The following ZNF573 variants were observed in gnomAD, a reference collection of about 807,000 sequenced individuals.
The protein encoded by ZNF573 is zinc finger protein 573.
Under a neutral mutation model 57.4 loss-of-function variants are expected in ZNF573, and 41 were observed. The ratio of observed to expected loss-of-function variants is 0.71; its 90% CI spans 0.56 to 0.93. ZNF573 has a LOEUF of 0.93. ZNF573 is among the 40% of genes least tolerant of loss of function. The probability of loss-of-function intolerance (pLI) is 0.00; values close to 1 mark genes in which losing one functional copy is unlikely to be tolerated. For missense variants in ZNF573, 730 were observed against 794.8 expected (o/e 0.92, Z 0.98); for synonymous variants, 249 against 261.0 (o/e 0.95, Z 0.44).
intron 4 of ZNF573, among the ~76,000 whole-genome samples, chr19:37,754,376 C>T (rs992609518): frequency 2.6e-5 from 4 of 151,718 alleles, no homozygotes; most frequent in African/African-American, 4.8e-5. Context: ...AAAAATTAGC[C>T]GGGTGCAGTG....
At chr19:37,771,392 A>G (rs1033927662) in intron 3 of ZNF573, among the ~76,000 whole-genome samples, 172 bp downstream of exon 3, 1 of 152,216 alleles carries the variant, frequency 6.6e-6, no homozygotes, top group South Asian at 2.1e-4. Flanking sequence ...GATGAAGAAA[A>G]TGATGGTGCT....
intron 4 of ZNF573, among the ~76,000 whole-genome samples, chr19:37,763,133 G>C (rs886168995): frequency 1.3e-5 from 2 of 150,088 alleles, no homozygotes; most frequent in Admixed American, 6.7e-5. Context: ...TCATTTCCTA[G>C]CACTTGAGCT....
At chr19:37,750,727 C>G (rs113040948) in intron 4 of ZNF573, among the ~76,000 whole-genome samples, 2 of 151,352 alleles carry the variant, frequency 1.3e-5, no homozygotes, top group Non-Finnish European at 2.9e-5. Flanking sequence ...AGGCTCACAC[C>G]TGTAATCCCA....
intron 2 of ZNF573, among the ~76,000 whole-genome samples, 160 bp from the exon 3 acceptor site, chr19:37,771,856 G>C (rs1321738364): frequency 3.3e-5 from 5 of 152,180 alleles, no homozygotes; most frequent in Admixed American, 2.0e-4. Context: ...GGATCCTATT[G>C]CCACAGGATC....
At chr19:37,751,082 T>A (rs1457437116) in intron 4 of ZNF573, among the ~76,000 whole-genome samples, 1 of 148,578 alleles carries the variant, frequency 6.7e-6, no homozygotes, top group African/African-American at 2.5e-5. Context: ...ATATACTGTG[T>A]ATATATACAG....
At chr19:37,754,287 C>T (rs374136132) in intron 4 of ZNF573, among the ~76,000 whole-genome samples, 2 of 151,886 alleles carry the variant, frequency 1.3e-5, no homozygotes, top group Non-Finnish European at 2.9e-5. Flanking sequence ...TTTGGGAGGC[C>T]GAGGTGGGTG....
intron 4 of ZNF573, among the ~76,000 whole-genome samples, chr19:37,745,198 C>T (rs1161737897): frequency 8.6e-5 from 13 of 151,878 alleles, no homozygotes; most frequent in South Asian, 6.2e-4. Flanking sequence ...CCTCAGCTTC[C>T]CGAGTAGCTG....
intron 4 of ZNF573, among the ~76,000 whole-genome samples, chr19:37,742,024 A>G (rs1384491591): frequency 6.6e-6 from 1 of 152,142 alleles, no homozygotes; most frequent in East Asian, 1.9e-4. Flanking sequence ...ATTCCTTTAC[A>G]CCAACAATAG....
rs929886092 is a variant in ZNF573, at chr19:37,773,775, G to C, written c.-22-24C>G. The C allele has an allele frequency of 2.2e-6, 3 of 1,386,192 alleles. No homozygotes were observed. In the African/African-American group the frequency reaches 4.3e-5, roughly 20 times the overall value. 85.9% of individuals were successfully genotyped at this position (1,386,192 alleles called of 1,614,324 possible). ...AGCTGAGAGAAGAAAAGAGATGTTA[G>C]TGTTCCCAATATGACTTAATTTAAT... On this transcript the variant is annotated intron_variant, in intron 1 of 4. Transcript: ENST00000536220.
intron 4 of ZNF573, chr19:37,758,434 C>G: frequency 6.7e-6 from 1 of 149,824 alleles, no homozygotes. Context: ...AACCCCGTCT[C>G]TATTAAAAAT....
chr19:37,777,918 A>T (rs866407055), intron 1 of ZNF573, among the ~76,000 whole-genome samples: 20 of 146,492 alleles, frequency 1.4e-4, no homozygotes, highest in African/African-American at 4.8e-4. Flanking sequence ...AGCTACTCGG[A>T]GAGGCTGAGG....
At chr19:37,763,075 A>T (rs1382366070) in intron 4 of ZNF573, among the ~76,000 whole-genome samples, 2 of 151,764 alleles carry the variant, frequency 1.3e-5, no homozygotes, top group African/African-American at 4.8e-5. Context: ...GCCCAGCCAA[A>T]CCAGTCTTCT....
chr19:37,771,812 G>T, intron 2 of ZNF573, 116 bp from the exon 3 acceptor site: 1 of 1,015,664 alleles, frequency 9.8e-7, no homozygotes, highest in Non-Finnish European at 1.4e-6. Context: ...ATGACTGGTA[G>T]CAGACTAAAG....
chr19:37,761,835 T>A (rs1205288517), intron 4 of ZNF573, among the ~76,000 whole-genome samples: 1 of 152,230 alleles, frequency 6.6e-6, no homozygotes. Context: ...TTCTAAAGGC[T>A]CCTGTGTCAT....
Position 37,739,477 on chromosome 19 carries a change from C to T in ZNF573, c.1013G>A (p.Gly338Asp), listed in dbSNP as rs1454882403. The T allele has an allele frequency of 2.5e-6, 4 of 1,613,658 alleles. No individual in the cohort carries two copies. Among genetic ancestry groups the T allele is most frequent in the Non-Finnish European group, 3.4e-6 (4 of 1,179,902 alleles). The change falls in exon 5 of 5, where the codon GGC becomes GAC. Residue 338 changes from glycine to aspartate, a missense_variant. Transcript: ENST00000536220. ...AAGAAAGTATGAGGCAGTGGTATAG[C>T]CCTTCCCACATTCTTTACACTCATA... is the stretch of plus-strand genomic sequence containing the variant. ...KPYECKECGK[G>D]YTTASYFLLH... is the part of the protein sequence containing the mutation.
intron 1 of ZNF573, among the ~76,000 whole-genome samples, chr19:37,777,859 T>C (rs1326506018): frequency 1.3e-5 from 2 of 150,228 alleles, no homozygotes; most frequent in East Asian, 2.0e-4. Context: ...CAGTCTCTAA[T>C]AAAAATACAA....
At chr19:37,761,567 A>C (rs1339408543) in intron 4 of ZNF573, among the ~76,000 whole-genome samples, 1 of 152,134 alleles carries the variant, frequency 6.6e-6, no homozygotes, top group Admixed American at 6.6e-5. Context: ...GGCCATAAAA[A>C]ATTCCCTGGC....
intron 4 of ZNF573, chr19:37,758,961 C>T (rs774223932): frequency 2.5e-6 from 1 of 393,846 alleles, no homozygotes; most frequent in Non-Finnish European, 3.5e-6. Flanking sequence ...AAATCAGTTG[C>T]TTTCTAATAT....
chr19:37,746,415 T>G (rs1422598875), intron 4 of ZNF573, among the ~76,000 whole-genome samples: 1 of 152,078 alleles, frequency 6.6e-6, no homozygotes, highest in African/African-American at 2.4e-5. Flanking sequence ...AAGTTACATA[T>G]AAACAAGACA....
Sources: allele counts gnomAD v4.1 joint callset (sites outside exome capture counted in the v4.1 genomes callset), GRCh38; gene constraint gnomAD v4.1.1; transcripts MANE v1.5; gene names NCBI Gene and HGNC (gene_info 2026-07-23, HGNC 2026-07-21).